The following CTBP1 variants were observed in gnomAD, a reference collection of about 807,000 sequenced individuals.
CTBP1 encodes C-terminal binding protein 1, also known as C-terminal-binding protein 1.
CTBP1 carries 11 observed loss-of-function variants against 42.1 expected under a neutral mutation model. The ratio of observed to expected loss-of-function variants is 0.26; its 90% CI spans 0.16 to 0.43. The LOEUF (loss-of-function observed/expected upper bound fraction) is 0.43, where lower values mean the gene tolerates loss of function less well. Ranked by LOEUF, CTBP1 falls within the 20% of genes least tolerant of loss-of-function variation. The probability of loss-of-function intolerance (pLI) is 1.00; values close to 1 mark genes in which losing one functional copy is unlikely to be tolerated. For synonymous variants in CTBP1, 324 were observed against 277.1 expected (o/e 1.17, Z -1.68); for missense variants, 399 against 624.3 (o/e 0.64, Z 3.85).
chr4:1,214,741 T>C (rs1728923356), intron 6 of CTBP1, among the ~76,000 whole-genome samples: 2 of 152,204 alleles, frequency 1.3e-5, no homozygotes, highest in Admixed American at 6.5e-5. Context: ...AGCCCTGAGC[T>C]GAGGACTGGG....
chr4:1,247,492 C>T (rs1332901433), intron 1 of CTBP1, among the ~76,000 whole-genome samples: 2 of 152,144 alleles, frequency 1.3e-5, no homozygotes, highest in Non-Finnish European at 2.9e-5. Flanking sequence ...GGTGCTGAGG[C>T]CCAGGGCAGA....
chr4:1,213,814 G>A (rs1292844201), intron 7 of CTBP1: 4 of 574,380 alleles, frequency 7.0e-6, no homozygotes, highest in Non-Finnish European at 1.2e-5. Flanking sequence ...CGGCGGGTGT[G>A]GGAGCCCAAG....
Position 1,212,210 on chromosome 4 carries a change from A to G in CTBP1, c.*30T>C, listed in dbSNP as rs1252312285. 7.1e-7 allele frequency: 1 copy of G among 1,400,432 alleles called. No homozygotes were observed. Among genetic ancestry groups the G allele is most frequent in the Non-Finnish European group, 9.3e-7 (1 of 1,071,528 alleles). 86.8% of individuals were successfully genotyped at this position (1,400,432 alleles called of 1,614,324 possible). On this transcript the variant is annotated 3_prime_UTR_variant, in exon 10 of 10. Transcript: ENST00000382952. ...CCGAGGGTTTCCGGGCCCTCTGCCC[A>G]GGCGCCGAGGCTGGAGAGCTCCTCC...
chr4:1,241,700 A>C, intron 1 of CTBP1, 181 bp from the exon 2 acceptor site: 1 of 1,236,656 alleles, frequency 8.1e-7, no homozygotes, highest in East Asian at 5.0e-5. Context: ...CCTGCCGCAC[A>C]CACGAAGGGC....
intron 3 of CTBP1, among the ~76,000 whole-genome samples, chr4:1,229,658 C>T (rs1294598548): frequency 6.6e-6 from 1 of 152,208 alleles, no homozygotes; most frequent in Non-Finnish European, 1.5e-5. Context: ...TGGGAGCTGA[C>T]CCTGCCTGGG....
intron 3 of CTBP1, among the ~76,000 whole-genome samples, chr4:1,229,760 TCTC>T (rs1386848154): frequency 6.6e-6 from 1 of 152,100 alleles, no homozygotes. Context: ...TGCAACCCCT[TCTC>T]CTACAGTGCC....
chr4:1,240,646 T>C (rs1267788363), intron 2 of CTBP1, among the ~76,000 whole-genome samples: 2 of 150,944 alleles, frequency 1.3e-5, no homozygotes, highest in Non-Finnish European at 3.0e-5. Context: ...GCTGGGTGAG[T>C]GGGAACCGGG....
Position 1,211,881 on chromosome 4 carries a change from A to C in CTBP1, c.*359T>G, listed in dbSNP as rs374555956. 258 of 157,894 alleles carry C rather than the reference A, an allele frequency of 1.6e-3. 1 individual carries two copies. The highest frequency in any genetic ancestry group is 2.5e-3 in the Non-Finnish European group (194 of 76,544). 9.8% of individuals were successfully genotyped at this position (157,894 alleles called of 1,614,324 possible). ...TCCAACATACAAAAAAAAAAAAAAC[A>C]AAAAAAAAAACCTCAAATTGACTTC... On this transcript the variant is annotated 3_prime_UTR_variant, in exon 10 of 10. Transcript: ENST00000382952.
At chr4:1,223,537 C>A (rs577738572) in intron 5 of CTBP1, 9 of 455,340 alleles carry the variant, frequency 2.0e-5, no homozygotes, top group African/African-American at 1.8e-4. Flanking sequence ...AGCGGGGGGC[C>A]GGCCGGTCAA....
At chr4:1,223,069 G>A (rs551171117) in intron 5 of CTBP1, among the ~76,000 whole-genome samples, 11 of 62,972 alleles carry the variant, frequency 1.7e-4, no homozygotes, top group Admixed American at 4.8e-4. Flanking sequence ...TGGAGACAGC[G>A]GAGGCACCGC....
rs190605405 is a variant in CTBP1, at chr4:1,249,044, G to A, written c.-317C>T. ...GCGTGGGGCGGCCTCGGCGCCGTCC[G>A]CTGCTCCGCCCGCCCGCCTGCGCCT... On this transcript the variant is annotated 5_prime_UTR_variant, in exon 1 of 10. Coordinates refer to ENST00000382952, the MANE Select transcript of CTBP1 (RefSeq NM_001012614.2). The A allele has an allele frequency of 4.9e-3, 2,793 of 569,916 alleles. 20 individuals are homozygous for A. The highest frequency in any genetic ancestry group is 0.018 in the East Asian group (119 of 6,768). 35.3% of individuals were successfully genotyped at this position (569,916 alleles called of 1,614,324 possible). A position where few individuals can be genotyped will look rare whatever the true frequency, so the allele number is the denominator to read the frequency against.
In CTBP1 at chr4:1,241,615, C is replaced by T. The variant is rs909888558; in HGVS notation, c.-188-96G>A. The T allele has an allele frequency of 5.5e-5, 79 of 1,439,266 alleles. No individual in the cohort carries two copies. In the African/African-American group the frequency reaches 1.0e-3, roughly 19 times the overall value. 89.2% of individuals were successfully genotyped at this position (1,439,266 alleles called of 1,614,324 possible). On this transcript the variant is annotated intron_variant, in intron 1 of 9. Transcript: ENST00000382952. ...AACGCCTCAGAAGTGGACCTCACTG[C>T]ATCTGCCACACCCGGGACTGCTGTC...
intron 5 of CTBP1, chr4:1,216,629 G>A (rs1729146124): frequency 4.0e-6 from 1 of 252,330 alleles, no homozygotes; most frequent in Non-Finnish European, 7.8e-6. Flanking sequence ...CTCAATTCCA[G>A]CCACCACTAC....
intron 5 of CTBP1, chr4:1,217,464 T>C (rs977031323): frequency 6.6e-6 from 1 of 152,288 alleles, no homozygotes; most frequent in African/African-American, 2.4e-5. Flanking sequence ...AGCCCGTCTG[T>C]CAACGCCCCC....
chr4:1,220,197 T>C (rs1471894033), intron 5 of CTBP1, among the ~76,000 whole-genome samples: 1 of 122,116 alleles, frequency 8.2e-6, no homozygotes, highest in Non-Finnish European at 1.6e-5. Flanking sequence ...TGTGACTCTG[T>C]CTCAAAAAAA....
In CTBP1 at chr4:1,238,027, G is replaced by A. The variant is rs775165373; in HGVS notation, c.162+156C>T. 14 of 976,568 alleles carry A rather than the reference G, an allele frequency of 1.4e-5. No individual in the cohort carries two copies. The highest frequency in any genetic ancestry group is 6.5e-5 in the South Asian group (5 of 76,602). 60.5% of individuals were successfully genotyped at this position (976,568 alleles called of 1,614,324 possible). A position where few individuals can be genotyped will look rare whatever the true frequency, so the allele number is the denominator to read the frequency against. ...CCTGATGGTGTCCAGGGAAAACCCCGTGTCCACCTCCTGACGGCGCGGGAC... is the reference window on the plus strand; with the variant it reads ...CCTGATGGTGTCCAGGGAAAACCCCATGTCCACCTCCTGACGGCGCGGGAC... On this transcript the variant is annotated intron_variant, in intron 3 of 9. Transcript: ENST00000382952. The surrounding 1 kb of genome is among the most constrained non-coding windows in gnomAD (Gnocchi z 5.9).
intron 1 of CTBP1, chr4:1,243,276 G>A: frequency 1.0e-6 from 1 of 985,442 alleles, no homozygotes; most frequent in Non-Finnish European, 1.2e-6. Context: ...AAGCAGATGT[G>A]TGAAGGCCAC....
chr4:1,230,053 A>G (rs1730796544), intron 3 of CTBP1, among the ~76,000 whole-genome samples: 1 of 152,216 alleles, frequency 6.6e-6, no homozygotes, highest in Non-Finnish European at 1.5e-5. Flanking sequence ...GTTCATGGAC[A>G]GGGCTGATGG....
chr4:1,245,818 G>A (rs1190861389), intron 1 of CTBP1, among the ~76,000 whole-genome samples: 2 of 151,996 alleles, frequency 1.3e-5, no homozygotes, highest in Admixed American at 1.3e-4. Flanking sequence ...AGGGGAGGGT[G>A]CAGAAGGGGC....
Sources: gnomAD v4.1 joint callset for allele counts (sites outside exome capture counted in the v4.1 genomes callset) on GRCh38, gnomAD v4.1.1 for gene constraint, Gnocchi (gnomAD v3.1) non-coding constraint, MANE v1.5 for transcripts, NCBI Gene and HGNC (gene_info 2026-07-23, HGNC 2026-07-21) for gene names.